The following LRP1B variants were observed in gnomAD, a reference collection of about 807,000 sequenced individuals.
LRP1B encodes the protein LDL receptor related protein 1B.
In LRP1B, 217 loss-of-function variants were observed where a neutral mutation model predicts 556.6. The ratio of observed to expected loss-of-function variants is 0.39; its 90% CI spans 0.35 to 0.44. The LOEUF is 0.44. Ranked by LOEUF, LRP1B falls within the 20% of genes least tolerant of loss-of-function variation. LRP1B has a pLI of 1.00. For synonymous variants in LRP1B, 2,047 were observed against 1,865.8 expected, an observed-to-expected ratio of 1.10 and a Z score of -2.50; for missense variants, 5,053 against 5,620.8, an observed-to-expected ratio of 0.90 and a Z score of 3.23.
At chr2:140,983,999 A>C (rs898553155) in intron 17 of LRP1B, among the ~76,000 whole-genome samples, 1 of 151,862 alleles carries the variant, frequency 6.6e-6, no homozygotes, top group Non-Finnish European at 1.5e-5. Flanking sequence ...TCTATACGAA[A>C]ATGAATAAAG....
At position 140,378,951 on chromosome 2, in the gene LRP1B, G is replaced by T. The variant is rs577074161; in HGVS notation, c.10532-665C>A. Among the ~76,000 whole-genome samples, 4 of 152,244 alleles carry T rather than the reference G, an allele frequency of 2.6e-5. No individual in the cohort carries two copies. The East Asian group carries it at 7.7e-4, about 29-fold the overall frequency. The stretch of plus-strand genomic sequence containing the variant: ...TAGCAGTTATTGATTTAATTATGGT[G>T]TCCCATAGTCCACATAGGGCATAAG... On this transcript the variant is annotated intron_variant, in intron 67 of 90. Coordinates refer to ENST00000389484, the MANE Select transcript of LRP1B (RefSeq NM_018557.3).
chr2:140,657,963 C>A (rs1684952317), intron 41 of LRP1B, among the ~76,000 whole-genome samples: 1 of 151,672 alleles, frequency 6.6e-6, no homozygotes. Flanking sequence ...ATCCATGGGC[C>A]CAAGGATTAA....
chr2:141,308,266 A>G (rs1686675047), intron 3 of LRP1B, among the ~76,000 whole-genome samples: 1 of 152,150 alleles, frequency 6.6e-6, no homozygotes. Flanking sequence ...GAAACAAATA[A>G]ACAACAACAA....
chr2:140,270,378 A>G, intron 85 of LRP1B, 32 bp from the exon 86 acceptor site: 2 of 1,349,528 alleles, frequency 1.5e-6, no homozygotes, highest in South Asian at 1.2e-5. Context: ...GAACAATTTC[A>G]TTGTTATTGG....
At chr2:140,624,852 G>A (rs979006909) in intron 41 of LRP1B, among the ~76,000 whole-genome samples, 2 of 152,124 alleles carry the variant, frequency 1.3e-5, no homozygotes, top group Non-Finnish European at 2.9e-5. Flanking sequence ...ATCACAAAAG[G>A]CCTGTCTTAG....
At chr2:141,099,766 T>C (rs1700413350) in intron 7 of LRP1B, among the ~76,000 whole-genome samples, 1 of 152,232 alleles carries the variant, frequency 6.6e-6, no homozygotes, top group Admixed American at 6.5e-5. Flanking sequence ...AAGAGGGCTG[T>C]CAACTAAATA....
chr2:140,308,312 T>C (rs185907659), intron 83 of LRP1B, among the ~76,000 whole-genome samples: 1 of 151,820 alleles, frequency 6.6e-6, no homozygotes, highest in East Asian at 1.9e-4. Flanking sequence ...CCCTCTCTAA[T>C]ATTGGACAGT....
chr2:140,369,663 T>TAAA (rs11430740), intron 71 of LRP1B, among the ~76,000 whole-genome samples: 1 of 144,570 alleles, frequency 6.9e-6, no homozygotes, highest in African/African-American at 2.5e-5. Context: ...CAAGGAGCTG[T>TAAA]AAAAAAAAAA....
chr2:140,416,903 T>G (rs72898252), intron 66 of LRP1B, among the ~76,000 whole-genome samples: 19,699 of 152,114 alleles, frequency 0.13, 1,941 homozygotes, highest in African/African-American at 0.27. Context: ...AAGCTAAAAT[T>G]GATTAAAAAC....
At chr2:140,265,538 C>T (rs1425450094) in intron 86 of LRP1B, among the ~76,000 whole-genome samples, 1 of 151,966 alleles carries the variant, frequency 6.6e-6, no homozygotes, top group Non-Finnish European at 1.5e-5. Context: ...AAAACTGTCA[C>T]CTTCATAGAT....
chr2:140,776,193 G>C lies in LRP1B; in HGVS notation c.5405C>G (p.Thr1802Ser), dbSNP rs1689492423. The C allele has an allele frequency of 6.2e-7, 1 of 1,601,896 alleles. No individual in the cohort carries two copies. The change falls in exon 33 of 91, where the codon ACC becomes AGC. Residue 1802 changes from threonine to serine, a missense_variant. Around this residue, in one of 5 missense-constraint regions of LRP1B, gnomAD observed 3,619 missense variants for 3,931.9 expected, o/e 0.92. Coordinates refer to ENST00000389484, the MANE Select transcript of LRP1B (RefSeq NM_018557.3). ...WADQNLAQLGTCSKRDGRNPT... is the reference protein window; with the variant it reads ...WADQNLAQLGSCSKRDGRNPT... ...GTTTCTTCCGTCTCTTTTGCTGCAG[G>C]TTCCTAGCTGGGCTAAGTTTTGGTC...
chr2:141,365,655 C>CTTTTTTTTTTTTTTTGGCTCTTT (rs1334896367), intron 3 of LRP1B, among the ~76,000 whole-genome samples: 1 of 121,150 alleles, frequency 8.3e-6, no homozygotes, highest in African/African-American at 3.2e-5. Context: ...GTTTTTGTTG[C>CTTTTTTTTTTTTTTTGGCTCTTT]TTTTTTTTTT....
intron 41 of LRP1B, among the ~76,000 whole-genome samples, chr2:140,699,015 T>A (rs1393017307): frequency 6.6e-6 from 1 of 152,036 alleles, no homozygotes; most frequent in Non-Finnish European, 1.5e-5. Flanking sequence ...GATACAAGAC[T>A]TCTACTCTAA....
intron 2 of LRP1B, among the ~76,000 whole-genome samples, chr2:141,521,864 T>C (rs1684540341): frequency 6.6e-6 from 1 of 152,064 alleles, no homozygotes; most frequent in Non-Finnish European, 1.5e-5. Flanking sequence ...AAATTTGTAC[T>C]AATTTTACCA....
chr2:141,085,224 AAAAT>A (rs139482602), intron 7 of LRP1B, among the ~76,000 whole-genome samples: 1 of 152,238 alleles, frequency 6.6e-6, no homozygotes, highest in East Asian at 1.9e-4. Context: ...TGAACCTTTT[AAAAT>A]AAATTGCAAA....
At chr2:141,341,081 T>C (rs1688038905) in intron 3 of LRP1B, among the ~76,000 whole-genome samples, 1 of 152,218 alleles carries the variant, frequency 6.6e-6, no homozygotes, top group African/African-American at 2.4e-5. Flanking sequence ...ATAGCATTTA[T>C]GGATGAGTTA....
At chr2:141,728,408 AG>A (rs1693130619) in intron 2 of LRP1B, among the ~76,000 whole-genome samples, 1 of 152,134 alleles carries the variant, frequency 6.6e-6, no homozygotes, top group African/African-American at 2.4e-5. Flanking sequence ...GGCCTCCACA[AG>A]CTCCTAATAA....
At chr2:140,386,476 C>A (rs1457131478) in intron 66 of LRP1B, among the ~76,000 whole-genome samples, 1 of 152,160 alleles carries the variant, frequency 6.6e-6, no homozygotes, top group East Asian at 1.9e-4. Context: ...CGTAACTGAT[C>A]TGTGATTAGT....
intron 2 of LRP1B, among the ~76,000 whole-genome samples, chr2:141,714,562 C>T (rs1364277929): frequency 6.9e-6 from 1 of 145,212 alleles, no homozygotes; most frequent in Non-Finnish European, 1.5e-5. Context: ...TCCTTTTGAT[C>T]TGAATGTACC....
Sources: allele counts gnomAD v4.1 joint callset (sites outside exome capture counted in the v4.1 genomes callset), GRCh38; gene constraint gnomAD v4.1.1; regional missense constraint gnomAD v4.1.1; transcripts MANE v1.5; gene names NCBI Gene and HGNC (gene_info 2026-07-23, HGNC 2026-07-21).